Variants in TPTE observed in about 807,000 individuals in gnomAD.
TPTE encodes transmembrane phosphatase with tensin homology, also known as putative tyrosine-protein phosphatase TPTE.
TPTE carries 59 observed loss-of-function variants against 84.1 expected under a neutral mutation model. The observed-to-expected ratio is 0.70, with a 90% CI of 0.57 to 0.87. The LOEUF is 0.87. Ranked by LOEUF, TPTE falls within the 40% of genes least tolerant of loss-of-function variation. The probability of loss-of-function intolerance (pLI) is 0.00; values close to 1 mark genes in which losing one functional copy is unlikely to be tolerated. For synonymous variants in TPTE, 130 were observed against 223.5 expected, an observed-to-expected ratio of 0.58 and a Z score of 3.73; for missense variants, 382 against 659.6, an observed-to-expected ratio of 0.58 and a Z score of 4.61.
intron 4 of TPTE, among the ~76,000 whole-genome samples, chr21:10,539,994 G>C (rs1343273368): frequency 1.2e-4 from 19 of 152,288 alleles, no homozygotes; most frequent in African/African-American, 4.6e-4. Context: ...GGGTGACTGA[G>C]TGAGACTCTG....
chr21:10,539,495 C>T (rs1394962293), intron 4 of TPTE, among the ~76,000 whole-genome samples: 1 of 152,312 alleles, frequency 6.6e-6, no homozygotes, highest in African/African-American at 2.4e-5. Flanking sequence ...AATGCCTACC[C>T]AGTGGAGTTG....
At chr21:10,522,761 C>T (rs2074006531) in intron 1 of TPTE, among the ~76,000 whole-genome samples, 1 of 152,310 alleles carries the variant, frequency 6.6e-6, no homozygotes, top group Admixed American at 6.5e-5. Flanking sequence ...ATAAATTGTA[C>T]ATATTTATGA....
chr21:10,598,561 T>C (rs2075632637), intron 21 of TPTE, among the ~76,000 whole-genome samples: 1 of 152,310 alleles, frequency 6.6e-6, no homozygotes, highest in African/African-American at 2.4e-5. Context: ...AAATCTGGAA[T>C]GGGGCCCAGG....
chr21:10,523,184 A>G (rs1474956464), intron 1 of TPTE, among the ~76,000 whole-genome samples: 1 of 152,256 alleles, frequency 6.6e-6, no homozygotes. Context: ...AAAAATAACT[A>G]GAGAGATAGT....
intron 4 of TPTE, among the ~76,000 whole-genome samples, chr21:10,539,199 G>T (rs2074322551): frequency 1.3e-5 from 2 of 152,306 alleles, no homozygotes; most frequent in African/African-American, 2.4e-5. Flanking sequence ...AATCCTATTT[G>T]CAACATGGAG....
At chr21:10,554,815 G>C (rs992217803) in intron 8 of TPTE, among the ~76,000 whole-genome samples, 1 of 152,308 alleles carries the variant, frequency 6.6e-6, no homozygotes, top group Non-Finnish European at 1.5e-5. Flanking sequence ...TTGTCTTAAG[G>C]TATAAAGTGT....
intron 6 of TPTE, among the ~76,000 whole-genome samples, chr21:10,543,014 CTTTTTTTTTTT>C (rs1051322060): frequency 9.7e-5 from 7 of 72,278 alleles, no homozygotes; most frequent in East Asian, 5.5e-4. Context: ...TGACTGTATT[CTTTTTTTTTTT>C]TTTTTTTTTT....
chr21:10,605,386 A>G (rs1979156901), intron 23 of TPTE, 31 bp from the exon 24 acceptor site: 4 of 1,609,300 alleles, frequency 2.5e-6, no homozygotes, highest in South Asian at 1.1e-5. Context: ...GAGCCCCAAT[A>G]TAAAATGTAA....
At chr21:10,573,951 C>T (rs1295856349) in intron 14 of TPTE, among the ~76,000 whole-genome samples, 1 of 152,310 alleles carries the variant, frequency 6.6e-6, no homozygotes, top group Non-Finnish European at 1.5e-5. Context: ...ATGCAAATTA[C>T]ACTACCAGTC....
chr21:10,533,365 T>C (rs1299255320), intron 3 of TPTE, among the ~76,000 whole-genome samples: 1 of 152,310 alleles, frequency 6.6e-6, no homozygotes, highest in Admixed American at 6.5e-5. Flanking sequence ...TCCTTAAGAA[T>C]ATTTGTCATG....
chr21:10,537,212 A>C (rs1319019400), intron 3 of TPTE, among the ~76,000 whole-genome samples: 1 of 152,312 alleles, frequency 6.6e-6, no homozygotes, highest in East Asian at 1.9e-4. Context: ...TTTGTGCTGT[A>C]TTCAATTGTA....
At chr21:10,564,552 A>G (rs926891039) in intron 10 of TPTE, among the ~76,000 whole-genome samples, 1 of 152,306 alleles carries the variant, frequency 6.6e-6, no homozygotes, top group African/African-American at 2.4e-5. Flanking sequence ...CCAAAACCAA[A>G]ACCAAAAACA....
intron 19 of TPTE, among the ~76,000 whole-genome samples, chr21:10,594,389 A>G (rs2075541482): frequency 6.6e-6 from 1 of 152,312 alleles, no homozygotes; most frequent in Admixed American, 6.5e-5. Context: ...TGACTTCTGT[A>G]TCCCCTTTAA....
At chr21:10,524,187 C>T (rs1319082748) in intron 1 of TPTE, among the ~76,000 whole-genome samples, 6 of 152,308 alleles carry the variant, frequency 3.9e-5, no homozygotes, top group Non-Finnish European at 8.8e-5. Flanking sequence ...AGTCCCATCC[C>T]ATCCTCTGCC....
chr21:10,534,989 C>T (rs1236253728), intron 3 of TPTE, among the ~76,000 whole-genome samples: 2 of 152,306 alleles, frequency 1.3e-5, no homozygotes, highest in East Asian at 1.9e-4. Flanking sequence ...ATCTCATAGT[C>T]CTAGGGACTA....
At chr21:10,563,027 A>G (rs1167747412) in intron 10 of TPTE, among the ~76,000 whole-genome samples, 14 of 152,300 alleles carry the variant, frequency 9.2e-5, no homozygotes, top group Non-Finnish European at 1.5e-4. Flanking sequence ...GAAACCAATA[A>G]TATACGATGG....
At chr21:10,582,975 T>A (rs12626403) in intron 17 of TPTE, among the ~76,000 whole-genome samples, 4,968 of 138,994 alleles carry the variant, frequency 0.036, no homozygotes, top group East Asian at 0.11. Flanking sequence ...TCAAGTGATG[T>A]GCCTGCCTCT....
intron 23 of TPTE, among the ~76,000 whole-genome samples, chr21:10,603,934 A>G (rs1379908827): frequency 6.6e-6 from 1 of 152,308 alleles, no homozygotes; most frequent in Non-Finnish European, 1.5e-5. Context: ...GTTCAATATG[A>G]GGCTGCTCAG....
intron 7 of TPTE, among the ~76,000 whole-genome samples, chr21:10,549,249 A>G (rs2074528063): frequency 6.6e-6 from 1 of 152,300 alleles, no homozygotes; most frequent in African/African-American, 2.4e-5. Flanking sequence ...TACTCCATAA[A>G]ATTGGAAAAG....
Sources: gnomAD v4.1 joint callset for allele counts (sites outside exome capture counted in the v4.1 genomes callset) on GRCh38, gnomAD v4.1.1 for gene constraint, MANE v1.5 for transcripts, NCBI Gene and HGNC (gene_info 2026-07-23, HGNC 2026-07-21) for gene names.